Variants in SKOR2 observed in about 807,000 individuals in gnomAD.
SKOR2 encodes the protein LBX1 corepressor 1-like protein.
SKOR2 carries 47 observed loss-of-function variants against 69.1 expected under a neutral mutation model. That is an observed-to-expected ratio of 0.68 (90% CI 0.54 to 0.87). The LOEUF is 0.87. SKOR2 is among the 40% of genes least tolerant of loss of function. The pLI, the probability that SKOR2 is intolerant of heterozygous loss-of-function variation, is 0.00. For missense variants in SKOR2, 1,404 were observed against 1,472.2 expected (o/e 0.95, Z 0.76); for synonymous variants, 717 against 672.6 (o/e 1.07, Z -1.02).
At chr18:47,210,412 G>A (rs777705622) in intron 8 of SKOR2, among the ~76,000 whole-genome samples, 2 of 152,246 alleles carry the variant, frequency 1.3e-5, no homozygotes, top group East Asian at 1.9e-4. Context: ...CTCATGATTT[G>A]TATGACTTTA....
intron 6 of SKOR2, among the ~76,000 whole-genome samples, chr18:47,225,564 T>G (rs1341484120): frequency 6.6e-6 from 1 of 152,046 alleles, no homozygotes; most frequent in African/African-American, 2.4e-5. Flanking sequence ...ATTTACAATG[T>G]GGGTTGGGGG....
At chr18:47,245,994 T>C (rs2064271212) in intron 2 of SKOR2, among the ~76,000 whole-genome samples, 1 of 115,368 alleles carries the variant, frequency 8.7e-6, no homozygotes, top group Non-Finnish European at 2.0e-5. Flanking sequence ...ACTTTTCAGT[T>C]GGTACTTTTC....
In SKOR2 at chr18:47,247,450, G is replaced by C. The variant is rs2064284709; in HGVS notation, c.1734C>G (p.Asp578Glu). The C allele has an allele frequency of 8.8e-6, 11 of 1,243,668 alleles. No homozygotes were observed. The Middle Eastern group carries it at 1.6e-3, about 176-fold the overall frequency. The allele number at this position is 1,243,668 out of a possible 1,614,324, so 77.0% of individuals were successfully genotyped here. ...CCCCTGCCCCGGCAGCTGCCACAGA[G>C]TCCGCGGGCGGCGTGGAGCCCGCGC... ...DCSAGSTPPA[D>E]SVAAAGAGAA... The change falls in exon 2 of 9, where the codon GAC becomes GAG. Residue 578 changes from aspartate (D) to glutamate (E), a missense_variant. Around this residue, in one of 3 missense-constraint regions of SKOR2, gnomAD observed 1,266 missense variants for 1,309.9 expected, o/e 0.97. Coordinates refer to ENST00000425639, the MANE Select transcript of SKOR2 (RefSeq NM_001278063.4). This position sits in a 1 kb window ranked among gnomAD's most constrained non-coding sequence, Gnocchi z 6.6.
intron 6 of SKOR2, among the ~76,000 whole-genome samples, chr18:47,227,326 ATTTTTT>A (rs778462203): frequency 4.4e-5 from 4 of 91,130 alleles, no homozygotes; most frequent in Admixed American, 1.2e-4. Context: ...CAAGAAGCCA[ATTTTTT>A]TTTTTTTTTT....
At chr18:47,234,359 T>C (rs1465683694) in intron 4 of SKOR2, 1 of 152,180 alleles carries the variant, frequency 6.6e-6, no homozygotes, top group Admixed American at 6.5e-5. Context: ...CATTTTACTT[T>C]TTCAGAATTA....
Position 47,248,684 on chromosome 18 carries a change from G to A in SKOR2, c.500C>T (p.Ser167Leu). 6.4e-7 allele frequency: 1 copy of A among 1,565,724 alleles called. No individual in the cohort carries two copies. Among genetic ancestry groups the A allele is most frequent in the Non-Finnish European group, 8.6e-7 (1 of 1,161,732 alleles). ...GCTGCATTTGATGCACTTGGCGCGC[G>A]AGCTGTTGTAGCGCGCGGGAATGAA... ...GSFIPARYNSSRAKCIKCSYC... is the reference protein window; with the variant it reads ...GSFIPARYNSLRAKCIKCSYC... The change falls in exon 2 of 9, where the codon TCG (serine) becomes TTG (leucine). Residue 167 changes from serine (S) to leucine (L), a missense_variant. Coordinates refer to ENST00000425639, the MANE Select transcript of SKOR2 (RefSeq NM_001278063.4). This position sits in a 1 kb window ranked among gnomAD's most constrained non-coding sequence, Gnocchi z 6.4.
intron 6 of SKOR2, among the ~76,000 whole-genome samples, chr18:47,228,032 G>A (rs1308741699): frequency 1.3e-5 from 2 of 152,170 alleles, no homozygotes; most frequent in African/African-American, 2.4e-5. Context: ...AAACTCTCAC[G>A]AGAATTCCTC....
rs1600051079 is a variant in SKOR2 at position 47,247,721 on chromosome 18, G to A, written c.1463C>T (p.Pro488Leu). The A allele has an allele frequency of 1.5e-6, 2 of 1,360,434 alleles. No individual in the cohort carries two copies. Among genetic ancestry groups the A allele is most frequent in the Non-Finnish European group, 9.4e-7 (1 of 1,066,388 alleles). The allele number at this position is 1,360,434 out of a possible 1,614,324, so 84.3% of individuals were successfully genotyped here. A position where few individuals can be genotyped will look rare whatever the true frequency, so the allele number is the denominator to read the frequency against. The change falls in exon 2 of 9, where the codon CCG becomes CTG. Residue 488 changes from proline to leucine, a missense_variant. This residue lies in a region of SKOR2 where 1,266 missense variants were observed against 1,309.9 expected (regional missense o/e 0.97). Coordinates refer to ENST00000425639, the MANE Select transcript of SKOR2 (RefSeq NM_001278063.4). The surrounding 1 kb of genome is among the most constrained non-coding windows in gnomAD (Gnocchi z 6.6). ...GCCTAGCGCCGAGGGCGGCTGAGGC[G>A]GGGGCTGCAGGTAGGTGGGCACCGG... ...GLPVPTYLQPPPQPPSALGCA... is the reference protein window; with the variant it reads ...GLPVPTYLQPLPQPPSALGCA...
intron 6 of SKOR2, among the ~76,000 whole-genome samples, chr18:47,224,241 A>G (rs2064171162): frequency 6.6e-6 from 1 of 152,174 alleles, no homozygotes; most frequent in Non-Finnish European, 1.5e-5. Flanking sequence ...TGATGAAGAC[A>G]GAGTTTAATT....
Position 47,246,862 on chromosome 18 carries a change from C to G in SKOR2, c.2322G>C (p.Glu774Asp). 1 of 1,491,936 alleles carries G rather than the reference C, an allele frequency of 6.7e-7. No individual in the cohort carries two copies. Among genetic ancestry groups the G allele is most frequent in the Non-Finnish European group, 8.9e-7 (1 of 1,126,834 alleles). The allele number at this position is 1,491,936 out of a possible 1,614,324, so 92.4% of individuals were successfully genotyped here. ...CGACTAAGGGGTCGCCGAGTAGGACCTCCGTCTCCTCGTCCTCTTCCTCGT... is the reference window on the plus strand; with the variant it reads ...CGACTAAGGGGTCGCCGAGTAGGACGTCCGTCTCCTCGTCCTCTTCCTCGT... ...DDDEEEDEET[E>D]VLLGDPLVGG... The change falls in exon 2 of 9, where the codon GAG becomes GAC. Residue 774 changes from glutamate to aspartate, a missense_variant. Physicochemically the swap from Glu to Asp is conservative, Grantham distance 45 (BLOSUM62 2). This residue lies in a region of SKOR2 where 1,266 missense variants were observed against 1,309.9 expected (regional missense o/e 0.97). Transcript: ENST00000425639.
In SKOR2 at chr18:47,246,575, T is replaced by G; in HGVS notation, c.2609A>C (p.Lys870Thr). ...HPSLEEQPSY[K>T]DSQKTKENNQ... Reference sequence around the variant, plus strand: ...GAGCCTAAAGGGGATATTTACATCTTTGTAGGAGGGCTGCTCCTCCAGTGA... The same window carrying G: ...GAGCCTAAAGGGGATATTTACATCTGTGTAGGAGGGCTGCTCCTCCAGTGA... The change falls in exon 2 of 9, where the codon AAA (lysine) becomes ACA (threonine). Residue 870 changes from lysine (K) to threonine (T), a missense_variant. Lys to Thr is a moderately conservative substitution (Grantham distance 78, BLOSUM62 -1). Around this residue, in one of 3 missense-constraint regions of SKOR2, gnomAD observed 1,266 missense variants for 1,309.9 expected, o/e 0.97. Transcript: ENST00000425639. 6.6e-7 allele frequency: 1 copy of G among 1,516,536 alleles called. No individual in the cohort carries two copies. Among genetic ancestry groups the G allele is most frequent in the Non-Finnish European group, 8.8e-7 (1 of 1,139,246 alleles). 93.9% of individuals were successfully genotyped at this position (1,516,536 alleles called of 1,614,324 possible).
chr18:47,247,741 C>A lies in SKOR2; in HGVS notation c.1443G>T (p.Val481=). ...GAGGCGGGGGCTGCAGGTAGGTGGGCACCGGGAGCCCGCCAGGGGTCCGCG... is the reference window on the plus strand; with the variant it reads ...GAGGCGGGGGCTGCAGGTAGGTGGGAACCGGGAGCCCGCCAGGGGTCCGCG... The part of the protein sequence containing the change: ...WPPRTPGGLP[V]PTYLQPPPQP... The change falls in exon 2 of 9, where the codon GTG becomes GTT. Residue 481 remains valine (V), a synonymous_variant. Coordinates refer to ENST00000425639, the MANE Select transcript of SKOR2 (RefSeq NM_001278063.4). The surrounding 1 kb of genome is among the most constrained non-coding windows in gnomAD (Gnocchi z 6.6). 3 of 1,368,640 alleles carry A rather than the reference C, an allele frequency of 2.2e-6. No homozygotes were observed. The highest frequency in any genetic ancestry group is 1.9e-6 in the Non-Finnish European group (2 of 1,072,130). The allele number at this position is 1,368,640 out of a possible 1,614,324, so 84.8% of individuals were successfully genotyped here.
At position 47,212,139 on chromosome 18, in the gene SKOR2, C is replaced by T; in HGVS notation, c.2998G>A (p.Ala1000Thr). 1 of 1,231,944 alleles carries T rather than the reference C, an allele frequency of 8.1e-7. No homozygotes were observed. The highest frequency in any genetic ancestry group is 1.0e-6 in the Non-Finnish European group (1 of 987,844). 76.3% of individuals were successfully genotyped at this position (1,231,944 alleles called of 1,614,324 possible). Residue 1000 changes from alanine (A) to threonine (T), a missense_variant, in exon 8 of 9, where the codon GCA (alanine) becomes ACA (threonine). Ala to Thr is a moderately conservative substitution (Grantham distance 58). This residue lies in a region of SKOR2 where 1,266 missense variants were observed against 1,309.9 expected (regional missense o/e 0.97). Coordinates refer to ENST00000425639, the MANE Select transcript of SKOR2 (RefSeq NM_001278063.4). Reference protein sequence around the residue: ...VQQLQIIPYAASLIRKEKLGA... With the variant: ...VQQLQIIPYATSLIRKEKLGA... ...AGCTTTTCTTTCCTGATCAAACTTG[C>T]TGCATAGGGGATCTGTAAGACAAAA...
In SKOR2 at chr18:47,248,286, C is replaced by T; in HGVS notation, c.898G>A (p.Gly300Ser). 3 of 1,212,796 alleles carry T rather than the reference C, an allele frequency of 2.5e-6. No homozygotes were observed. The highest frequency in any genetic ancestry group is 3.1e-6 in the Non-Finnish European group (3 of 978,022). 75.1% of individuals were successfully genotyped at this position (1,212,796 alleles called of 1,614,324 possible). The change falls in exon 2 of 9, where the codon GGT (glycine) becomes AGT (serine). Residue 300 changes from glycine (G) to serine (S), a missense_variant. By Grantham distance (56) the Gly-to-Ser change is moderately conservative. Transcript: ENST00000425639. This position sits in a 1 kb window ranked among gnomAD's most constrained non-coding sequence, Gnocchi z 6.4. ...CGCTTGTGATGGGCGTGCGGGGCAC[C>T]AGCCAGCTCTGCCAAGGGCGGCGGT... ...PPPPPLAELA[G>S]APHAHHKRPR...
intron 7 of SKOR2, among the ~76,000 whole-genome samples, chr18:47,217,583 T>G (rs1372874349): frequency 6.6e-6 from 1 of 152,182 alleles, no homozygotes; most frequent in Non-Finnish European, 1.5e-5. Context: ...TTAAGAGGAC[T>G]GCTATATGAG....
In SKOR2 at chr18:47,246,284, C is replaced by G. The variant is rs116999184; in HGVS notation, c.2613+287G>C. ...GGGGATTGTTGGATTAGAGGAAGGA[C>G]CAGGTCAATTAAAGGGTCTTTTCCA... On this transcript the variant is annotated intron_variant, in intron 2 of 8. Transcript: ENST00000425639. Among the ~76,000 whole-genome samples the G allele has an allele frequency of 1.1e-4, 17 of 152,090 alleles. No individual in the cohort carries two copies. The East Asian group carries it at 3.3e-3, about 29-fold the overall frequency.
Position 47,248,051 on chromosome 18 carries a change from C to T in SKOR2, c.1133G>A (p.Arg378His). 1 of 1,435,070 alleles carries T rather than the reference C, an allele frequency of 7.0e-7. No homozygotes were observed. The highest frequency in any genetic ancestry group is 9.1e-7 in the Non-Finnish European group (1 of 1,095,068). 88.9% of individuals were successfully genotyped at this position (1,435,070 alleles called of 1,614,324 possible). Reference sequence around the variant, plus strand: ...GGGCACCGGGATGACTGGGTAGCTGCGCGGGCCTTTGGCCCCTGCCCCGGC... The same window carrying T: ...GGGCACCGGGATGACTGGGTAGCTGTGCGGGCCTTTGGCCCCTGCCCCGGC... The part of the protein sequence containing the change: ...AGAGAGAKGP[R>H]SYPVIPVPSK... Residue 378 changes from arginine to histidine, a missense_variant, in exon 2 of 9, where the codon CGC becomes CAC. Physicochemically the swap from Arg to His is conservative, Grantham distance 29. Transcript: ENST00000425639. This position sits in a 1 kb window ranked among gnomAD's most constrained non-coding sequence, Gnocchi z 6.4.
In SKOR2 at chr18:47,219,977, G is replaced by T; in HGVS notation, c.2951C>A (p.Ala984Asp). ...NFQDQMKREL[A>D]YREEMVQQLQ... ...CTGTTGCACCATTTCTTCTCGGTAGGCTAGCTCCCTTTTCATCTGATCCTG... is the reference window on the plus strand; with the variant it reads ...CTGTTGCACCATTTCTTCTCGGTAGTCTAGCTCCCTTTTCATCTGATCCTG... The change falls in exon 7 of 9, where the codon GCC becomes GAC. Residue 984 changes from alanine to aspartate, a missense_variant. This residue lies in a region of SKOR2 where 1,266 missense variants were observed against 1,309.9 expected (regional missense o/e 0.97). Coordinates refer to ENST00000425639, the MANE Select transcript of SKOR2 (RefSeq NM_001278063.4). 6.5e-7 allele frequency: 1 copy of T among 1,536,120 alleles called. No individual in the cohort carries two copies.
In SKOR2 at chr18:47,248,868, C is replaced by T; in HGVS notation, c.316G>A (p.Gly106Arg). The change falls in exon 2 of 9, where the codon GGG becomes AGG. Residue 106 changes from glycine to arginine, a missense_variant. Coordinates refer to ENST00000425639, the MANE Select transcript of SKOR2 (RefSeq NM_001278063.4). This position sits in a 1 kb window ranked among gnomAD's most constrained non-coding sequence, Gnocchi z 6.4. Reference protein sequence around the residue: ...PVQLEILRRAGAMPISSRRCG... With the variant: ...PVQLEILRRARAMPISSRRCG... ...CGGCGCGATGAGATGGGCATGGCCCCGGCACGCCGCAGGATCTCCAGTTGC... is the reference window on the plus strand; with the variant it reads ...CGGCGCGATGAGATGGGCATGGCCCTGGCACGCCGCAGGATCTCCAGTTGC... 1.3e-6 allele frequency: 2 copies of T among 1,565,684 alleles called. No individual in the cohort carries two copies. Among genetic ancestry groups the T allele is most frequent in the East Asian group, 2.3e-5 (1 of 42,850 alleles).
Sources: allele counts gnomAD v4.1 joint callset (sites outside exome capture counted in the v4.1 genomes callset), GRCh38; gene constraint gnomAD v4.1.1; regional missense constraint gnomAD v4.1.1; non-coding constraint Gnocchi (gnomAD v3.1); transcripts MANE v1.5; gene names NCBI Gene and HGNC (gene_info 2026-07-23, HGNC 2026-07-21).